TEX9: variants seen among roughly 807,000 people sequenced by gnomAD.
TEX9 encodes the protein testis expressed 9.
A neutral mutation model predicts 59.6 loss-of-function variants in TEX9; 74 were observed. The observed-to-expected ratio is 1.24, with a 90% CI of 1.03 to 1.51. TEX9 has a LOEUF of 1.51. Among genes scored for constraint, TEX9 ranks in the 40% most tolerant of loss-of-function variants. The pLI is 0.00. For synonymous variants in TEX9, 186 were observed against 152.2 expected, an observed-to-expected ratio of 1.22 and a Z score of -1.64; for missense variants, 522 against 447.8, an observed-to-expected ratio of 1.17 and a Z score of -1.49.
chr15:56,304,319 T>C (rs2045428072), intron 1 of TEX9, among the ~76,000 whole-genome samples: 1 of 152,244 alleles, frequency 6.6e-6, no homozygotes, highest in African/African-American at 2.4e-5. Flanking sequence ...CCTTGTCTTG[T>C]TGCAGATCTT....
intron 11 of TEX9, 58 bp downstream of exon 11, chr15:56,427,797 T>A (rs1445811132): frequency 1.5e-6 from 2 of 1,338,496 alleles, no homozygotes. Flanking sequence ...TACTAAAAAA[T>A]TTAGCATTTT....
intron 1 of TEX9, among the ~76,000 whole-genome samples, chr15:56,286,639 A>G (rs916997913): frequency 2.6e-5 from 4 of 152,222 alleles, no homozygotes; most frequent in African/African-American, 9.6e-5. Context: ...TGTGTAAGAC[A>G]CTGAAATTAT....
intron 9 of TEX9, among the ~76,000 whole-genome samples, chr15:56,406,679 G>C (rs1414446434): frequency 6.6e-6 from 1 of 152,000 alleles, no homozygotes; most frequent in East Asian, 1.9e-4. Flanking sequence ...AGTTTAATTT[G>C]TATTTCCTTT....
intron 9 of TEX9, among the ~76,000 whole-genome samples, chr15:56,399,283 G>C (rs1257469029): frequency 6.6e-6 from 1 of 152,244 alleles, no homozygotes; most frequent in Non-Finnish European, 1.5e-5. Flanking sequence ...CAAGGTCTTA[G>C]CAACCGGCAG....
chr15:56,355,448 G>C lies in TEX9; in HGVS notation c.-106-17993G>C, dbSNP rs147831519. Among the ~76,000 whole-genome samples the C allele has an allele frequency of 2.7e-3, 415 of 152,040 alleles. 4 individuals are homozygous for C. The highest frequency in any genetic ancestry group is 9.5e-3 in the African/African-American group (395 of 41,418). On this transcript the variant is annotated intron_variant, in intron 1 of 5. Coordinates refer to the TEX9 transcript ENST00000560827. ...TATTAAAATTTGTGGGTCTACATCT[G>C]GACTGTCTCTTCTTTTCCATTGATT...
At chr15:56,249,742 C>CAA (rs11440856) in intron 1 of TEX9, among the ~76,000 whole-genome samples, 1,671 of 25,410 alleles carry the variant, frequency 0.066, 233 homozygotes, top group East Asian at 0.28. Flanking sequence ...GGATCTGTCT[C>CAA]AAAAAAAAAA....
intron 1 of TEX9, among the ~76,000 whole-genome samples, chr15:56,251,325 A>G (rs534174909): frequency 6.6e-6 from 1 of 152,216 alleles, no homozygotes; most frequent in East Asian, 1.9e-4. Context: ...CCATATCCAC[A>G]GTCACCCTCC....
At chr15:56,375,432 T>C (rs1247524634) in intron 3 of TEX9, among the ~76,000 whole-genome samples, 3 of 152,004 alleles carry the variant, frequency 2.0e-5, no homozygotes, top group Admixed American at 2.0e-4. Flanking sequence ...GTCAGATGAG[T>C]AGGTTGCGAA....
upstream of TEX9, among the ~76,000 whole-genome samples, chr15:56,363,070 T>G (rs1379847471): frequency 3.3e-5 from 5 of 152,200 alleles, no homozygotes; most frequent in Non-Finnish European, 5.9e-5. Flanking sequence ...GTACATATAC[T>G]TTTCATGTGG....
At chr15:56,431,873 A>G (rs1271612326) in intron 12 of TEX9, among the ~76,000 whole-genome samples, 1 of 151,978 alleles carries the variant, frequency 6.6e-6, no homozygotes, top group Admixed American at 6.6e-5. Context: ...TGAATAAAGA[A>G]GATCAGAAAT....
intron 6 of TEX9, among the ~76,000 whole-genome samples, chr15:56,389,650 G>C (rs2048116263): frequency 6.6e-6 from 1 of 151,186 alleles, no homozygotes; most frequent in Non-Finnish European, 1.5e-5. Context: ...TTTTATAAAT[G>C]TTATTTCTAG....
chr15:56,381,912 G>T (rs1260801780), intron 3 of TEX9, among the ~76,000 whole-genome samples: 1 of 152,210 alleles, frequency 6.6e-6, no homozygotes, highest in African/African-American at 2.4e-5. Flanking sequence ...CAGGTGATGA[G>T]GCCAGCCAGG....
chr15:56,263,233 G>A (rs560181610), intron 1 of TEX9, among the ~76,000 whole-genome samples: 9 of 152,278 alleles, frequency 5.9e-5, no homozygotes, highest in African/African-American at 2.2e-4. Flanking sequence ...ATGTTGGTCA[G>A]GCTGGTCTCG....
chr15:56,442,920 A>G (rs1237809535), intron 12 of TEX9, among the ~76,000 whole-genome samples: 1 of 152,134 alleles, frequency 6.6e-6, no homozygotes, highest in Admixed American at 6.6e-5. Flanking sequence ...GAAAAAAAAA[A>G]AAATCTTGAA....
intron 1 of TEX9, among the ~76,000 whole-genome samples, chr15:56,257,327 C>G (rs2044166271): frequency 6.6e-6 from 1 of 151,982 alleles, no homozygotes; most frequent in African/African-American, 2.4e-5. Context: ...AATTGTTGGG[C>G]TGAATGTTAT....
chr15:56,367,814 C>A (rs2047013859), intron 2 of TEX9, among the ~76,000 whole-genome samples: 1 of 152,042 alleles, frequency 6.6e-6, no homozygotes, highest in Admixed American at 6.5e-5. Flanking sequence ...GGAATTTTTT[C>A]TATTTTCTAA....
chr15:56,274,057 C>T (rs6493842), intron 1 of TEX9, among the ~76,000 whole-genome samples: 3,976 of 152,132 alleles, frequency 0.026, 169 homozygotes, highest in African/African-American at 0.091. Flanking sequence ...TCTTTCTTTT[C>T]TCTGTCATTT....
intron 1 of TEX9, among the ~76,000 whole-genome samples, chr15:56,300,741 G>GAGAC (rs1454617036): frequency 1.1e-4 from 16 of 148,360 alleles, no homozygotes; most frequent in African/African-American, 4.1e-4. Context: ...GAGAGAGAGA[G>GAGAC]AGAGACTTCA....
intron 1 of TEX9, among the ~76,000 whole-genome samples, chr15:56,315,493 G>C (rs1369820264): frequency 6.7e-6 from 1 of 150,124 alleles, no homozygotes; most frequent in Non-Finnish European, 1.5e-5. Flanking sequence ...CTCTCTTCTG[G>C]CTTGTAGGGT....
Sources: gnomAD v4.1 joint callset for allele counts (sites outside exome capture counted in the v4.1 genomes callset) on GRCh38, gnomAD v4.1.1 for gene constraint, MANE v1.5 for transcripts, NCBI Gene and HGNC (gene_info 2026-07-23, HGNC 2026-07-21) for gene names.